SPG11: variants seen among roughly 807,000 people sequenced by gnomAD.
SPG11 encodes SPG11 vesicle trafficking associated, spatacsin.
Under a neutral mutation model 274.0 loss-of-function variants are expected in SPG11, and 222 were observed. The ratio of observed to expected loss-of-function variants is 0.81; its 90% CI spans 0.73 to 0.91. The LOEUF is 0.91. Ranked by LOEUF, SPG11 falls within the 40% of genes least tolerant of loss-of-function variation. SPG11 has a pLI of 0.00. For missense variants in SPG11, 3,114 were observed against 2,872.7 expected (o/e 1.08, Z -1.92); for synonymous variants, 1,144 against 1,039.7 (o/e 1.10, Z -1.93).
Position 44,648,874 on chromosome 15 carries a change from C to T in SPG11, c.1594G>A (p.Ala532Thr). The T allele has an allele frequency of 1.2e-6, 2 of 1,614,020 alleles. No homozygotes were observed. The highest frequency in any genetic ancestry group is 1.7e-6 in the Non-Finnish European group (2 of 1,179,960). Residue 532 changes from alanine (A) to threonine (T), a missense_variant, in exon 7 of 40, where the codon GCA (alanine) becomes ACA (threonine). Ala to Thr is a moderately conservative substitution (Grantham distance 58, BLOSUM62 0). Coordinates refer to ENST00000261866, the MANE Select transcript of SPG11 (RefSeq NM_025137.4). ...GWGRCSIPIH[A>T]LEAGIENRQL... Reference sequence around the variant, plus strand: ...GCATTTAATTCTGTTACCTCTAGTGCATGTATGGGAATTGAGCACCTTCCC... The same window carrying T: ...GCATTTAATTCTGTTACCTCTAGTGTATGTATGGGAATTGAGCACCTTCCC...
At chr15:44,563,359 G>C (rs2082236388) in intron 39 of SPG11, 58 bp from the exon 40 acceptor site, 5 of 1,516,870 alleles carry the variant, frequency 3.3e-6, no homozygotes, top group African/African-American at 1.4e-5. Context: ...TGTTTTGTTT[G>C]AGACAGTCTT....
At chr15:44,587,360 G>T (rs902746920) in intron 28 of SPG11, among the ~76,000 whole-genome samples, 1 of 152,090 alleles carries the variant, frequency 6.6e-6, no homozygotes, top group Non-Finnish European at 1.5e-5. Flanking sequence ...GGGACAGTAA[G>T]ACACCCTGCA....
chr15:44,579,251 G>A (rs1390279936), intron 30 of SPG11, among the ~76,000 whole-genome samples: 9 of 151,944 alleles, frequency 5.9e-5, no homozygotes, highest in African/African-American at 9.6e-5. Context: ...GGGGCTGGGC[G>A]TGGTGGCTCA....
chr15:44,658,962 G>T, intron 3 of SPG11, 117 bp downstream of exon 3: 1 of 922,338 alleles, frequency 1.1e-6, no homozygotes, highest in Non-Finnish European at 1.7e-6. Context: ...AAGTTTTACT[G>T]AAAAACTAAC....
chr15:44,612,935 G>A (rs760482073), intron 17 of SPG11, among the ~76,000 whole-genome samples: 1 of 152,068 alleles, frequency 6.6e-6, no homozygotes, highest in Non-Finnish European at 1.5e-5. Flanking sequence ...AAGTCCTCAG[G>A]GGTAAGAAGC....
rs140118769 is a variant in SPG11 at position 44,612,327 on chromosome 15, T to C, written c.3145+1103A>G. 6.3e-3 allele frequency among the ~76,000 whole-genome samples: 954 copies of C among 152,312 alleles called. 9 individuals carry two copies. The highest frequency in any genetic ancestry group is 0.021 in the African/African-American group (881 of 41,562). Reference sequence around the variant, plus strand: ...GTGAAGATAACTGGAACAAAATACATTAAAATATTATCAGTGGTTACCTAT... The same window carrying C: ...GTGAAGATAACTGGAACAAAATACACTAAAATATTATCAGTGGTTACCTAT... On this transcript the variant is annotated intron_variant, in intron 17 of 39. Transcript: ENST00000261866.
In SPG11 at chr15:44,595,279, C is replaced by G. The variant is rs779451771; in HGVS notation, c.4615G>C (p.Gly1539Arg). The G allele has an allele frequency of 6.2e-7, 1 of 1,614,166 alleles. No homozygotes were observed. The highest frequency in any genetic ancestry group is 1.1e-5 in the South Asian group (1 of 91,086). The change falls in exon 26 of 40, where the codon GGT becomes CGT. Residue 1539 changes from glycine (G) to arginine (R), a missense_variant. By Grantham distance (125) the Gly-to-Arg change is moderately radical. Transcript: ENST00000261866. ...ACTACCTTAAAGAAAAGCTGGAAAC[C>G]TCTGATGAGAGTTTTGCTCTTTTGT... is the stretch of plus-strand genomic sequence containing the variant. ...TRQKSKTLIR[G>R]FQLFFKDSPL...
rs758601401 is a variant in SPG11, at chr15:44,657,200, T to G, written c.764A>C (p.Lys255Thr). 5.6e-6 allele frequency: 9 copies of G among 1,614,080 alleles called. No homozygotes were observed. The highest frequency in any genetic ancestry group is 7.6e-6 in the Non-Finnish European group (9 of 1,180,026). Reference protein sequence around the residue: ...MCNEQQQEPAKISSFTSLKVS... With the variant: ...MCNEQQQEPATISSFTSLKVS... ...TTTCAGTGAAGTAAATGAAGAAATC[T>G]TGGCTGGCTCCTGTTGCTGCTCATT... Residue 255 changes from lysine (K) to threonine (T), a missense_variant, in exon 4 of 40, where the codon AAG becomes ACG. By Grantham distance (78) the Lys-to-Thr change is moderately conservative. Coordinates refer to ENST00000261866, the MANE Select transcript of SPG11 (RefSeq NM_025137.4).
At position 44,588,773 on chromosome 15, in the gene SPG11, G is replaced by A. The variant is rs150741322; in HGVS notation, c.4906+479C>T. The A allele has an allele frequency of 8.7e-4, 257 of 295,756 alleles. 2 individuals are homozygous for A. The highest frequency in any genetic ancestry group is 6.7e-3 in the South Asian group (222 of 33,254). 18.3% of individuals were successfully genotyped at this position (295,756 alleles called of 1,614,324 possible). On this transcript the variant is annotated intron_variant, in intron 28 of 39. Transcript: ENST00000261866. The stretch of plus-strand genomic sequence containing the variant: ...ATAATTGCTCTCTACTCAGGGGATC[G>A]GCAATGTTAATTACCGTCTAATGGT...
At chr15:44,649,391 T>TA (rs1207988703) in intron 6 of SPG11, among the ~76,000 whole-genome samples, 4 of 152,214 alleles carry the variant, frequency 2.6e-5, no homozygotes, top group South Asian at 2.1e-4. Flanking sequence ...TTTGCTAATT[T>TA]AAAAAAATTT....
chr15:44,611,561 C>T (rs754390388), intron 17 of SPG11, among the ~76,000 whole-genome samples: 7 of 152,090 alleles, frequency 4.6e-5, no homozygotes, highest in South Asian at 2.1e-4. Context: ...GAAAGCAATC[C>T]GGTCCTACAG....
Position 44,608,602 on chromosome 15 carries a change from C to A in SPG11, c.3295G>T (p.Val1099Phe). ...CAGTTTTCATTTTCTTCATTCTGAA[C>A]AACCTAAGTAAAAAAACAGATAACA... ...MYSPGGVSQV[V>F]QNEENENCLK... The change falls in exon 19 of 40, where the codon GTT becomes TTT. Residue 1099 changes from valine to phenylalanine, a missense_variant. By Grantham distance (50) the Val-to-Phe change is conservative (BLOSUM62 -1). Coordinates refer to ENST00000261866, the MANE Select transcript of SPG11 (RefSeq NM_025137.4). The A allele has an allele frequency of 6.2e-7, 1 of 1,613,762 alleles. No individual in the cohort carries two copies. The highest frequency in any genetic ancestry group is 8.5e-7 in the Non-Finnish European group (1 of 1,179,866).
At chr15:44,596,624 G>A (rs1378316470) in intron 24 of SPG11, among the ~76,000 whole-genome samples, 160 bp downstream of exon 24, 4 of 87,070 alleles carry the variant, frequency 4.6e-5, no homozygotes, top group Admixed American at 1.9e-4. Flanking sequence ...AGTATCATAT[G>A]AAACAAAAGC....
At chr15:44,602,139 T>C (rs919445391) in intron 20 of SPG11, among the ~76,000 whole-genome samples, 1 of 152,250 alleles carries the variant, frequency 6.6e-6, no homozygotes, top group Non-Finnish European at 1.5e-5. Flanking sequence ...GGATTTTCTA[T>C]ATACAAAATC....
At chr15:44,647,248 A>G (rs2084635490) in intron 7 of SPG11, among the ~76,000 whole-genome samples, 1 of 152,216 alleles carries the variant, frequency 6.6e-6, no homozygotes, top group African/African-American at 2.4e-5. Flanking sequence ...CTTCACACTG[A>G]CTAGGATGGC....
At chr15:44,606,174 A>C in intron 19 of SPG11, 83 bp from the exon 20 acceptor site, 5 of 1,220,918 alleles carry the variant, frequency 4.1e-6, no homozygotes, top group Admixed American at 1.9e-5. Flanking sequence ...AGGACTTCAG[A>C]GGTAGTCTGC....
At chr15:44,647,852 A>G (rs2084650720) in intron 7 of SPG11, among the ~76,000 whole-genome samples, 1 of 152,244 alleles carries the variant, frequency 6.6e-6, no homozygotes, top group African/African-American at 2.4e-5. Flanking sequence ...AACTCTGAAT[A>G]TACCACAGGC....
At chr15:44,610,789 TCTG>T in intron 18 of SPG11, 48 bp downstream of exon 18, 1 of 1,508,256 alleles carries the variant, frequency 6.6e-7, no homozygotes. Context: ...CATAGATAAT[TCTG>T]CTAAATTTAA....
intron 7 of SPG11, among the ~76,000 whole-genome samples, chr15:44,642,066 T>C (rs191964914): frequency 4.6e-5 from 7 of 151,700 alleles, no homozygotes; most frequent in Admixed American, 4.6e-4. Flanking sequence ...ATGTTGAGTC[T>C]CAAAAAATAT....
Sources: gnomAD v4.1 joint callset for allele counts (sites outside exome capture counted in the v4.1 genomes callset) on GRCh38, gnomAD v4.1.1 for gene constraint, MANE v1.5 for transcripts, NCBI Gene and HGNC (gene_info 2026-07-23, HGNC 2026-07-21) for gene names.